The following CLIP1 variants were observed in gnomAD, a reference collection of about 807,000 sequenced individuals.
The protein encoded by CLIP1 is CAP-Gly domain containing linker protein 1, also known as CAP-Gly domain-containing linker protein 1.
In CLIP1, 66 loss-of-function variants were observed where a neutral mutation model predicts 161.6. The observed-to-expected ratio is 0.41, with a 90% confidence interval of 0.33 to 0.50. The LOEUF is 0.50. Ranked by LOEUF, CLIP1 falls within the 20% of genes least tolerant of loss-of-function variation. The probability of loss-of-function intolerance (pLI) is 0.27; values close to 1 mark genes in which losing one functional copy is unlikely to be tolerated. For synonymous variants in CLIP1, 598 were observed against 626.2 expected (o/e 0.96, Z 0.67); for missense variants, 1,376 against 1,702.0 (o/e 0.81, Z 3.37).
At position 122,399,089 on chromosome 12, in the gene CLIP1, T is replaced by C. The variant is rs1181628956; in HGVS notation, c.-106-18531A>G. Among the ~76,000 whole-genome samples, 4 of 152,140 alleles carry C rather than the reference T, an allele frequency of 2.6e-5. No homozygotes were observed. In the East Asian group the frequency reaches 7.7e-4, roughly 29 times the overall value. ...ATTCTCATCTGATTTCTTAAGGTTATGTTTACTCCTATTTTTTAAATGTCA... is the reference window on the plus strand; with the variant it reads ...ATTCTCATCTGATTTCTTAAGGTTACGTTTACTCCTATTTTTTAAATGTCA... On this transcript the variant is annotated intron_variant, in intron 1 of 25. Transcript: ENST00000620786.
At chr12:122,376,448 C>A (rs2136770780) in intron 3 of CLIP1, among the ~76,000 whole-genome samples, 1 of 152,096 alleles carries the variant, frequency 6.6e-6, no homozygotes, top group Admixed American at 6.6e-5. Flanking sequence ...CAACAGGGAG[C>A]CATATAATAT....
chr12:122,368,189 T>A (rs913855518), intron 3 of CLIP1, among the ~76,000 whole-genome samples: 1 of 152,198 alleles, frequency 6.6e-6, no homozygotes, highest in African/African-American at 2.4e-5. Flanking sequence ...AAGTTCTCAT[T>A]TATTTATTCA....
intron 21 of CLIP1, among the ~76,000 whole-genome samples, chr12:122,284,444 C>A (rs1465745623): frequency 6.6e-6 from 1 of 151,950 alleles, no homozygotes; most frequent in Non-Finnish European, 1.5e-5. Flanking sequence ...CCTCTGCATC[C>A]CGGGTTGAAG....
At chr12:122,384,894 A>T (rs1955179873) in intron 1 of CLIP1, among the ~76,000 whole-genome samples, 1 of 151,264 alleles carries the variant, frequency 6.6e-6, no homozygotes, top group African/African-American at 2.4e-5. Context: ...AAAATTTGCC[A>T]GTTAAGTTAA....
At chr12:122,421,975 C>T (rs943753608) in intron 1 of CLIP1, among the ~76,000 whole-genome samples, 2 of 152,220 alleles carry the variant, frequency 1.3e-5, no homozygotes, top group South Asian at 4.1e-4. Context: ...ATCACAGCCC[C>T]ACTTGAGAGG....
chr12:122,313,734 C>A (rs530103138), intron 19 of CLIP1, among the ~76,000 whole-genome samples: 350 of 151,136 alleles, frequency 2.3e-3, no homozygotes, highest in Middle Eastern at 0.014. Context: ...ACAACAACAA[C>A]AAAAAAAAAC....
intron 1 of CLIP1, among the ~76,000 whole-genome samples, chr12:122,392,352 A>G (rs894578651): frequency 4.6e-5 from 7 of 152,166 alleles, no homozygotes; most frequent in Admixed American, 3.3e-4. Context: ...AAACATAAAA[A>G]TATGCTTTCT....
Position 122,272,890 on chromosome 12 carries a change from G to A in CLIP1, c.4302C>T (p.Asp1434=), listed in dbSNP as rs138337233. ...GGAGGCTTCATCAGAAGGTTTCGTC[G>A]TCATTGCAGTTGGTGGCCCAGTGTC... ...MFGHWATNCN[D]DETF The change falls in exon 26 of 26, where the codon GAC becomes GAT. Residue 1434 remains aspartate, a synonymous_variant. Transcript: ENST00000620786. 29 of 1,614,068 alleles carry A rather than the reference G, an allele frequency of 1.8e-5. No homozygotes were observed. In the Middle Eastern group the frequency reaches 4.9e-4, roughly 27 times the overall value.
rs201735575 is a variant in CLIP1 at position 122,404,916 on chromosome 12, AC to A, written c.-107+17604del. ...CTCCATCTCAAAAAAAAAAAACAAAACAAAAAAAAACCAACATGGTGCCATG... is the reference window on the plus strand; with the variant it reads ...CTCCATCTCAAAAAAAAAAAACAAAAAAAAAAAAACCAACATGGTGCCATG... On this transcript the variant is annotated intron_variant, in intron 1 of 25. Transcript: ENST00000620786. Among the ~76,000 whole-genome samples the A allele has an allele frequency of 4.1e-3, 596 of 147,004 alleles. 5 individuals are homozygous for A. Among genetic ancestry groups the A allele is most frequent in the Middle Eastern group, 0.011 (3 of 268 alleles).
chr12:122,342,379 T>C (rs1952546740), intron 10 of CLIP1: 1 of 152,230 alleles, frequency 6.6e-6, no homozygotes, highest in South Asian at 2.1e-4. Flanking sequence ...TGCTTATCCA[T>C]TTCATGGAGG....
intron 8 of CLIP1, among the ~76,000 whole-genome samples, chr12:122,352,222 T>C (rs2136450077): frequency 1.3e-5 from 2 of 152,186 alleles, no homozygotes; most frequent in South Asian, 4.2e-4. Flanking sequence ...CACGCCCGGC[T>C]AATTTTGTAT....
In CLIP1 at chr12:122,293,002, C is replaced by CAAAAAAAAAAAAA. The variant is rs57326141; in HGVS notation, c.3595-4474_3595-4462dup. 6.0e-4 allele frequency among the ~76,000 whole-genome samples: 26 copies of CAAAAAAAAAAAAA among 43,564 alleles called. 1 individual carries two copies. The highest frequency in any genetic ancestry group is 2.8e-3 in the African/African-American group (25 of 8,810). 28.6% of individuals were successfully genotyped at this position (43,564 alleles called of 152,430 possible). A position where few individuals can be genotyped will look rare whatever the true frequency, so the allele number is the denominator to read the frequency against. ...TGGGCAAAAGAGCAAGACTCTGTCT[C>CAAAAAAAAAAAAA]AAAAAAAAAAAAAAAAAAAAGGCAA... On this transcript the variant is annotated intron_variant, in intron 20 of 25. Transcript: ENST00000620786.
At chr12:122,346,553 G>A (rs890188947) in intron 10 of CLIP1, among the ~76,000 whole-genome samples, 3 of 151,876 alleles carry the variant, frequency 2.0e-5, no homozygotes, top group Non-Finnish European at 4.4e-5. Flanking sequence ...CCCAGGCTGG[G>A]GTGCAGTGGC....
At chr12:122,417,702 C>A (rs1205487147) in intron 1 of CLIP1, among the ~76,000 whole-genome samples, 3 of 151,798 alleles carry the variant, frequency 2.0e-5, no homozygotes, top group Admixed American at 1.3e-4. Context: ...TTAGTAGAGA[C>A]GGGGTTTCAC....
intron 1 of CLIP1, among the ~76,000 whole-genome samples, chr12:122,409,755 C>T (rs1956459611): frequency 6.6e-6 from 1 of 152,112 alleles, no homozygotes; most frequent in African/African-American, 2.4e-5. Context: ...TGGTCTCGAA[C>T]TCCTGACCTC....
chr12:122,386,823 C>CAAAA (rs10538864), intron 1 of CLIP1, among the ~76,000 whole-genome samples: 6 of 124,104 alleles, frequency 4.8e-5, no homozygotes, highest in Non-Finnish European at 3.3e-5. Flanking sequence ...CAATATGTCT[C>CAAAA]AAAAAAAAAA....
chr12:122,345,885 A>T (rs1298641974), intron 10 of CLIP1, among the ~76,000 whole-genome samples: 1 of 151,856 alleles, frequency 6.6e-6, no homozygotes, highest in Non-Finnish European at 1.5e-5. Flanking sequence ...TCCCAGGTTC[A>T]AGTGATTCTC....
intron 21 of CLIP1, among the ~76,000 whole-genome samples, chr12:122,284,143 A>G (rs558030352): frequency 2.0e-5 from 3 of 152,286 alleles, no homozygotes; most frequent in South Asian, 4.1e-4. Flanking sequence ...ATAACTTTCC[A>G]TAAGGGTTAA....
chr12:122,306,893 A>G (rs777258822), intron 20 of CLIP1, among the ~76,000 whole-genome samples: 1 of 152,092 alleles, frequency 6.6e-6, no homozygotes, highest in Non-Finnish European at 1.5e-5. Flanking sequence ...AAGCAGAAAA[A>G]AGTTTTATTC....
Sources: gnomAD v4.1 joint callset for allele counts (sites outside exome capture counted in the v4.1 genomes callset) on GRCh38, gnomAD v4.1.1 for gene constraint, MANE v1.5 for transcripts, NCBI Gene and HGNC (gene_info 2026-07-23, HGNC 2026-07-21) for gene names.